Variants in HMX2 observed in about 807,000 individuals in gnomAD.
The protein encoded by HMX2 is H6 family homeobox 2.
HMX2 carries 15 observed loss-of-function variants against 21.2 expected under a neutral mutation model. That is an observed-to-expected ratio of 0.71 (90% CI 0.47 to 1.09). The LOEUF (loss-of-function observed/expected upper bound fraction) is 1.09. Among genes scored for constraint, HMX2 ranks in the 50% least tolerant of loss-of-function variants. The pLI is 0.00. For missense variants in HMX2, 440 were observed against 381.5 expected (o/e 1.15, Z -1.28); for synonymous variants, 193 against 181.0 (o/e 1.07, Z -0.53).
In HMX2 at chr10:123,148,384, C is replaced by A. The variant is rs749524601; in HGVS notation, c.6C>A (p.Gly2=). The A allele has an allele frequency of 6.2e-7, 1 of 1,613,208 alleles. No individual in the cohort carries two copies. The highest frequency in any genetic ancestry group is 8.5e-7 in the Non-Finnish European group (1 of 1,179,592). The change falls in exon 1 of 2, where the codon GGC becomes GGA. Residue 2 remains glycine, a synonymous_variant. Coordinates refer to ENST00000339992, the MANE Select transcript of HMX2 (RefSeq NM_005519.2). The part of the protein sequence containing the change: M[G]SKEDAGKGCP... The stretch of plus-strand genomic sequence containing the variant: ...CGATTTCTTATGAACCCAGGATGGG[C>A]AGCAAAGAAGATGCGGGCAAGGGGT...
chr10:123,148,696 G>A (rs760286243), intron 1 of HMX2, 50 bp downstream of exon 1: 5 of 1,575,204 alleles, frequency 3.2e-6, no homozygotes, highest in South Asian at 2.3e-5. Context: ...CGAGGGGAGG[G>A]AGGCTGAGCG....
In HMX2 at chr10:123,148,138, A is replaced by T; in HGVS notation, c.-241A>T. On this transcript the variant is annotated 5_prime_UTR_variant, in exon 1 of 2. Coordinates refer to ENST00000339992, the MANE Select transcript of HMX2 (RefSeq NM_005519.2). ...GCGAGTTGGCGGGCGAGGAAGGGGC[A>T]TTTGCACCGGGGCTGGGCGGGCGCA... 1.9e-6 allele frequency: 1 copy of T among 540,244 alleles called. No individual in the cohort carries two copies. Among genetic ancestry groups the T allele is most frequent in the Non-Finnish European group, 3.2e-6 (1 of 312,780 alleles). 33.5% of individuals were successfully genotyped at this position (540,244 alleles called of 1,614,324 possible). A position where few individuals can be genotyped will look rare whatever the true frequency, so the allele number is the denominator to read the frequency against.
Position 123,149,712 on chromosome 10 carries a change from G to C in HMX2, c.411G>C (p.Arg137=). The part of the protein sequence containing the change: ...GSPSPGSERP[R]DGGAERQAGA... Reference sequence around the variant, plus strand: ...CCTCGCCGGGGTCCGAGCGGCCGCGGGACGGCGGCGCTGAGCGGCAGGCCG... The same window carrying C: ...CCTCGCCGGGGTCCGAGCGGCCGCGCGACGGCGGCGCTGAGCGGCAGGCCG... Residue 137 remains arginine, a synonymous_variant, in exon 2 of 2, where the codon CGG becomes CGC. Coordinates refer to ENST00000339992, the MANE Select transcript of HMX2 (RefSeq NM_005519.2). This position sits in a 1 kb window ranked among gnomAD's most constrained non-coding sequence, Gnocchi z 5.4. 6.4e-7 allele frequency: 1 copy of C among 1,558,364 alleles called. No homozygotes were observed. Among genetic ancestry groups the C allele is most frequent in the South Asian group, 1.2e-5 (1 of 84,002 alleles).
Position 123,150,190 on chromosome 10 carries a change from G to A in HMX2, c.*67G>A. The A allele has an allele frequency of 7.5e-7, 1 of 1,328,176 alleles. No individual in the cohort carries two copies. Among genetic ancestry groups the A allele is most frequent in the East Asian group, 2.6e-5 (1 of 39,002 alleles). 82.3% of individuals were successfully genotyped at this position (1,328,176 alleles called of 1,614,324 possible). A position where few individuals can be genotyped will look rare whatever the true frequency, so the allele number is the denominator to read the frequency against. ...CGGGCGCGTACTGTACTGTAAGCAGGGCTCCGGAGCAAGGCGGCGTGTTTC... is the reference window on the plus strand; with the variant it reads ...CGGGCGCGTACTGTACTGTAAGCAGAGCTCCGGAGCAAGGCGGCGTGTTTC... On this transcript the variant is annotated 3_prime_UTR_variant, in exon 2 of 2. Coordinates refer to ENST00000339992, the MANE Select transcript of HMX2 (RefSeq NM_005519.2). This position sits in a 1 kb window ranked among gnomAD's most constrained non-coding sequence, Gnocchi z 4.2.
chr10:123,149,380 C>T lies in HMX2; in HGVS notation c.269-190C>T, dbSNP rs1237012749. Among the ~76,000 whole-genome samples, 2 of 152,198 alleles carry T rather than the reference C, an allele frequency of 1.3e-5. No homozygotes were observed. The highest frequency in any genetic ancestry group is 6.5e-5 in the Admixed American group (1 of 15,286). On this transcript the variant is annotated intron_variant, in intron 1 of 1. Transcript: ENST00000339992. This position sits in a 1 kb window ranked among gnomAD's most constrained non-coding sequence, Gnocchi z 5.4. The stretch of plus-strand genomic sequence containing the variant: ...GACCCCATACTCCAAGTAGCTGGGT[C>T]CCTCTCTTGTCGCTTTTAAAGGACG...
At position 123,149,722 on chromosome 10, in the gene HMX2, G is replaced by T; in HGVS notation, c.421G>T (p.Ala141Ser). 1 of 1,550,650 alleles carries T rather than the reference G, an allele frequency of 6.4e-7. No homozygotes were observed. Among genetic ancestry groups the T allele is most frequent in the Admixed American group, 2.0e-5 (1 of 49,380 alleles). Reference sequence around the variant, plus strand: ...GTCCGAGCGGCCGCGGGACGGCGGCGCTGAGCGGCAGGCCGGCGCGGCCAA... The same window carrying T: ...GTCCGAGCGGCCGCGGGACGGCGGCTCTGAGCGGCAGGCCGGCGCGGCCAA... ...PGSERPRDGG[A>S]ERQAGAAKKK... Residue 141 changes from alanine to serine, a missense_variant, in exon 2 of 2, where the codon GCT (alanine) becomes TCT (serine). Transcript: ENST00000339992. The surrounding 1 kb of genome is among the most constrained non-coding windows in gnomAD (Gnocchi z 5.4).
Position 123,150,247 on chromosome 10 carries a change from C to A in HMX2, c.*124C>A. The A allele has an allele frequency of 1.3e-6, 1 of 759,424 alleles. No individual in the cohort carries two copies. The highest frequency in any genetic ancestry group is 2.0e-5 in the South Asian group (1 of 49,848). The allele number at this position is 759,424 out of a possible 1,614,324, so 47.0% of individuals were successfully genotyped here. On this transcript the variant is annotated 3_prime_UTR_variant, in exon 2 of 2. Transcript: ENST00000339992. The surrounding 1 kb of genome is among the most constrained non-coding windows in gnomAD (Gnocchi z 4.2). ...TATGAAGAAATACACCATGTGTATT[C>A]ATTAGCTCTTATTTATGGTCTCTGC...
Position 123,149,958 on chromosome 10 carries a change from C to A in HMX2, c.657C>A (p.His219Gln), listed in dbSNP as rs973409816. The A allele has an allele frequency of 6.2e-7, 1 of 1,611,744 alleles. No individual in the cohort carries two copies. Among genetic ancestry groups the A allele is most frequent in the Non-Finnish European group, 8.5e-7 (1 of 1,179,564 alleles). Residue 219 changes from histidine to glutamine, a missense_variant, in exon 2 of 2, where the codon CAC becomes CAA. Physicochemically the swap from His to Gln is conservative, Grantham distance 24. Coordinates refer to ENST00000339992, the MANE Select transcript of HMX2 (RefSeq NM_005519.2). This position sits in a 1 kb window ranked among gnomAD's most constrained non-coding sequence, Gnocchi z 5.4. ...SAELEAANMA[H>Q]ASAQTLVSMP... ...AGCTGGAGGCGGCCAACATGGCGCA[C>A]GCGTCGGCGCAGACTCTGGTGAGCA...
In HMX2 at chr10:123,148,399, G is replaced by T. The variant is rs774361615; in HGVS notation, c.21G>T (p.Ala7=). 4 of 1,612,948 alleles carry T rather than the reference G, an allele frequency of 2.5e-6. No homozygotes were observed. Among genetic ancestry groups the T allele is most frequent in the Non-Finnish European group, 8.5e-7 (1 of 1,179,556 alleles). The change falls in exon 1 of 2, where the codon GCG becomes GCT. Residue 7 remains alanine, a synonymous_variant. Transcript: ENST00000339992. MGSKED[A]GKGCPAAGGV... ...CCAGGATGGGCAGCAAAGAAGATGC[G>T]GGCAAGGGGTGTCCGGCGGCCGGTG...
Position 123,149,052 on chromosome 10 carries a change from C to A in HMX2, c.268+406C>A, listed in dbSNP as rs933641556. On this transcript the variant is annotated intron_variant, in intron 1 of 1. Transcript: ENST00000339992. This position sits in a 1 kb window ranked among gnomAD's most constrained non-coding sequence, Gnocchi z 5.4. ...TCTGAGTCTTCTTCCTCACTCGCTC[C>A]GTATCTCTGCCTTTCTCTCTCTCTC... Among the ~76,000 whole-genome samples, 1 of 152,186 alleles carries A rather than the reference C, an allele frequency of 6.6e-6. No homozygotes were observed. Among genetic ancestry groups the A allele is most frequent in the Non-Finnish European group, 1.5e-5 (1 of 68,044 alleles).
Position 123,150,112 on chromosome 10 carries a change from C to G in HMX2, c.811C>G (p.Leu271Val). ...ALPLYNLYNK[L>V]DY ...ACCTCTCTACAACCTATACAACAAG[C>G]TCGACTACTGACCGGCCCGCCGCCC... Residue 271 changes from leucine (L) to valine (V), a missense_variant, in exon 2 of 2, where the codon CTC (leucine) becomes GTC (valine). By Grantham distance (32) the Leu-to-Val change is conservative. Transcript: ENST00000339992. This position sits in a 1 kb window ranked among gnomAD's most constrained non-coding sequence, Gnocchi z 4.2. 2 of 1,557,320 alleles carry G rather than the reference C, an allele frequency of 1.3e-6. No homozygotes were observed. Among genetic ancestry groups the G allele is most frequent in the Non-Finnish European group, 1.7e-6 (2 of 1,154,350 alleles).
Position 123,149,835 on chromosome 10 carries a change from G to A in HMX2, c.534G>A (p.Glu178=). The A allele has an allele frequency of 6.2e-7, 1 of 1,612,722 alleles. No homozygotes were observed. ...FDMKRYLSSS[E]RACLASSLQL... is the part of the protein sequence containing the mutation. ...TGAAGCGCTACCTGAGCAGCTCGGAGCGCGCCTGCCTCGCCTCCAGCCTGC... is the reference window on the plus strand; with the variant it reads ...TGAAGCGCTACCTGAGCAGCTCGGAACGCGCCTGCCTCGCCTCCAGCCTGC... Residue 178 remains glutamate, a synonymous_variant, in exon 2 of 2, where the codon GAG becomes GAA. Transcript: ENST00000339992. The surrounding 1 kb of genome is among the most constrained non-coding windows in gnomAD (Gnocchi z 5.4).
In HMX2 at chr10:123,149,682, C is replaced by A; in HGVS notation, c.381C>A (p.Gly127=). The change falls in exon 2 of 2, where the codon GGC becomes GGA. Residue 127 remains glycine (G), a synonymous_variant. Coordinates refer to ENST00000339992, the MANE Select transcript of HMX2 (RefSeq NM_005519.2). This position sits in a 1 kb window ranked among gnomAD's most constrained non-coding sequence, Gnocchi z 5.4. Reference sequence around the variant, plus strand: ...AGAAAGAGAGGCTCCTGCCCGCGGGCTCGCCCTCGCCGGGGTCCGAGCGGC... The same window carrying A: ...AGAAAGAGAGGCTCCTGCCCGCGGGATCGCCCTCGCCGGGGTCCGAGCGGC... The part of the protein sequence containing the change: ...KEEKERLLPA[G]SPSPGSERPR... 1.3e-6 allele frequency: 2 copies of A among 1,565,026 alleles called. No individual in the cohort carries two copies. Among genetic ancestry groups the A allele is most frequent in the South Asian group, 1.2e-5 (1 of 85,110 alleles).
chr10:123,148,149 G>C lies in HMX2; in HGVS notation c.-230G>C. ...GGCGAGGAAGGGGCATTTGCACCGG[G>C]GCTGGGCGGGCGCACCCAGAGCCAG... is the stretch of plus-strand genomic sequence containing the variant. On this transcript the variant is annotated 5_prime_UTR_variant, in exon 1 of 2. Transcript: ENST00000339992. 1.8e-6 allele frequency: 1 copy of C among 555,276 alleles called. No homozygotes were observed. Among genetic ancestry groups the C allele is most frequent in the Middle Eastern group, 4.6e-4 (1 of 2,156 alleles). 34.4% of individuals were successfully genotyped at this position (555,276 alleles called of 1,614,324 possible). A position where few individuals can be genotyped will look rare whatever the true frequency, so the allele number is the denominator to read the frequency against.
In HMX2 at chr10:123,148,487, C is replaced by T; in HGVS notation, c.109C>T (p.Pro37Ser). The change falls in exon 1 of 2, where the codon CCC (proline) becomes TCC (serine). Residue 37 changes from proline to serine, a missense_variant. Physicochemically the swap from Pro to Ser is moderately conservative, Grantham distance 74. Coordinates refer to ENST00000339992, the MANE Select transcript of HMX2 (RefSeq NM_005519.2). ...GGGPSEAPRE[P>S]VGWPARKRSL... ...GGGCCCCTCGGAGGCACCGCGGGAG[C>T]CCGTCGGCTGGCCAGCCAGGAAGCG... is the stretch of plus-strand genomic sequence containing the variant. The T allele has an allele frequency of 1.2e-6, 2 of 1,612,408 alleles. No homozygotes were observed. The highest frequency in any genetic ancestry group is 1.7e-4 in the Middle Eastern group (1 of 6,020).
In HMX2 at chr10:123,149,603, G is replaced by A; in HGVS notation, c.302G>A (p.Gly101Asp). ...TPKGSGGSGP[G>D]GLERTPFLSP... ...AAGGGCAGCGGAGGCTCGGGCCCGG[G>A]CGGCTTGGAGCGCACGCCTTTCCTC... is the stretch of plus-strand genomic sequence containing the variant. Residue 101 changes from glycine (G) to aspartate (D), a missense_variant, in exon 2 of 2, where the codon GGC becomes GAC. Gly to Asp is a moderately conservative substitution (Grantham distance 94). Coordinates refer to ENST00000339992, the MANE Select transcript of HMX2 (RefSeq NM_005519.2). This position sits in a 1 kb window ranked among gnomAD's most constrained non-coding sequence, Gnocchi z 5.4. 6.8e-7 allele frequency: 1 copy of A among 1,467,188 alleles called. No individual in the cohort carries two copies. The highest frequency in any genetic ancestry group is 9.0e-7 in the Non-Finnish European group (1 of 1,113,080). The allele number at this position is 1,467,188 out of a possible 1,614,324, so 90.9% of individuals were successfully genotyped here. A position where few individuals can be genotyped will look rare whatever the true frequency, so the allele number is the denominator to read the frequency against.
At chr10:123,148,735 C>A (rs990539645) in intron 1 of HMX2, 89 bp downstream of exon 1, 1 of 1,508,120 alleles carries the variant, frequency 6.6e-7, no homozygotes, top group Non-Finnish European at 8.9e-7. Flanking sequence ...GCCGGGCCCC[C>A]TCTGGCCAGA....
In HMX2 at chr10:123,150,141, G is replaced by T. The variant is rs772411880; in HGVS notation, c.*18G>T. The T allele has an allele frequency of 1.0e-4, 153 of 1,506,026 alleles. No homozygotes were observed. Among genetic ancestry groups the T allele is most frequent in the Non-Finnish European group, 1.3e-4 (151 of 1,127,280 alleles). 93.3% of individuals were successfully genotyped at this position (1,506,026 alleles called of 1,614,324 possible). On this transcript the variant is annotated 3_prime_UTR_variant, in exon 2 of 2. Coordinates refer to ENST00000339992, the MANE Select transcript of HMX2 (RefSeq NM_005519.2). This position sits in a 1 kb window ranked among gnomAD's most constrained non-coding sequence, Gnocchi z 4.2. ...ACTACTGACCGGCCCGCCGCCCCGC[G>T]CCGCCCCCAGCTGCCCGCAGAGCCG...
At chr10:123,148,898 C>A (rs555626284) in intron 1 of HMX2, among the ~76,000 whole-genome samples, 1 of 152,178 alleles carries the variant, frequency 6.6e-6, no homozygotes, top group Non-Finnish European at 1.5e-5. Context: ...TGGACCACAG[C>A]GAGAGGGACA....
Sources: allele counts gnomAD v4.1 joint callset (sites outside exome capture counted in the v4.1 genomes callset), GRCh38; gene constraint gnomAD v4.1.1; non-coding constraint Gnocchi (gnomAD v3.1); transcripts MANE v1.5; gene names NCBI Gene and HGNC (gene_info 2026-07-23, HGNC 2026-07-21).